The following GYPC variants were observed in gnomAD, a reference collection of about 807,000 sequenced individuals.
GYPC encodes glycophorin C (Gerbich blood group).
A neutral mutation model predicts 12.6 loss-of-function variants in GYPC; 14 were observed. That is an observed-to-expected ratio of 1.11 (90% CI 0.74 to 1.74). The LOEUF (loss-of-function observed/expected upper bound fraction) is 1.74, where lower values mean the gene tolerates loss of function less well. Ranked by LOEUF, GYPC falls within the 40% of genes most tolerant of loss-of-function variation. GYPC has a pLI of 0.00. For missense variants in GYPC, 225 were observed against 172.1 expected (o/e 1.31, Z -1.72); for synonymous variants, 78 against 62.1 (o/e 1.26, Z -1.20).
intron 1 of GYPC, 144 bp downstream of exon 1, chr2:126,656,456 A>T (rs916379223): frequency 3.0e-6 from 2 of 674,680 alleles, no homozygotes; most frequent in South Asian, 3.8e-5. Flanking sequence ...CGCTGGGCTC[A>T]GATCCCCGAC....
chr2:126,660,207 G>A (rs1573554224), intron 1 of GYPC, among the ~76,000 whole-genome samples: 1 of 152,200 alleles, frequency 6.6e-6, no homozygotes, highest in African/African-American at 2.4e-5. Context: ...CTCAGGACCC[G>A]CCTGCCTCCC....
At chr2:126,686,494 G>C in intron 1 of GYPC, 1 of 985,524 alleles carries the variant, frequency 1.0e-6, no homozygotes, top group African/African-American at 1.7e-5. Flanking sequence ...CCACAAAGAT[G>C]AGCATAGTGA....
chr2:126,682,643 A>G (rs1438604452), intron 1 of GYPC, among the ~76,000 whole-genome samples: 1 of 152,184 alleles, frequency 6.6e-6, no homozygotes, highest in African/African-American at 2.4e-5. Flanking sequence ...ATGCAGGGGC[A>G]AGTCAGAGGT....
chr2:126,680,681 T>C (rs890971953), intron 1 of GYPC, among the ~76,000 whole-genome samples: 1 of 152,200 alleles, frequency 6.6e-6, no homozygotes, highest in East Asian at 1.9e-4. Flanking sequence ...CATTTCTCAG[T>C]GTGCAATTGC....
At chr2:126,677,314 TG>T (rs1683020305) in intron 1 of GYPC, among the ~76,000 whole-genome samples, 1 of 150,766 alleles carries the variant, frequency 6.6e-6, no homozygotes, top group Non-Finnish European at 1.5e-5. Context: ...TGAGTGTGTG[TG>T]AGAATGTGTG....
chr2:126,661,564 T>A (rs1254092273), intron 1 of GYPC, among the ~76,000 whole-genome samples: 1 of 152,078 alleles, frequency 6.6e-6, no homozygotes, highest in Non-Finnish European at 1.5e-5. Context: ...GCAATTCTCC[T>A]GCCTCAGCCT....
intron 1 of GYPC, among the ~76,000 whole-genome samples, chr2:126,663,570 G>C (rs1448272348): frequency 6.6e-6 from 1 of 152,220 alleles, no homozygotes; most frequent in African/African-American, 2.4e-5. Context: ...ATGGAGAAGA[G>C]TAGGCTCTTT....
Position 126,693,916 on chromosome 2 carries a change from C to A in GYPC, c.159C>A (p.Thr53=), listed in dbSNP as rs906210239. 2 of 1,612,130 alleles carry A rather than the reference C, an allele frequency of 1.2e-6. No homozygotes were observed. Among genetic ancestry groups the A allele is most frequent in the Non-Finnish European group, 1.7e-6 (2 of 1,178,232 alleles). The change falls in exon 3 of 4, where the codon ACC becomes ACA. Residue 53 remains threonine, a synonymous_variant. Coordinates refer to ENST00000259254, the MANE Select transcript of GYPC (RefSeq NM_002101.5). Reference sequence around the variant, plus strand: ...CGGATGGCAGAATGGAGACCTCCACCCCCACCATAATGGACATTGTCGTCA... The same window carrying A: ...CGGATGGCAGAATGGAGACCTCCACACCCACCATAATGGACATTGTCGTCA... ...GWPDGRMETS[T]PTIMDIVVIA... is the part of the protein sequence containing the mutation.
intron 1 of GYPC, among the ~76,000 whole-genome samples, chr2:126,681,020 G>A (rs775771583): frequency 2.6e-5 from 4 of 152,212 alleles, no homozygotes; most frequent in African/African-American, 4.8e-5. Flanking sequence ...GATTCTTCAA[G>A]ACAATAGCCA....
chr2:126,677,343 GAAT>G, intron 1 of GYPC, among the ~76,000 whole-genome samples: 1 of 149,844 alleles, frequency 6.7e-6, no homozygotes, highest in Non-Finnish European at 1.5e-5. Flanking sequence ...GTGTAAGAAA[GAAT>G]GTGTGTGTGA....
intron 1 of GYPC, among the ~76,000 whole-genome samples, chr2:126,689,383 T>A (rs956686991): frequency 1.3e-5 from 2 of 152,180 alleles, no homozygotes; most frequent in Non-Finnish European, 2.9e-5. Flanking sequence ...ATGTGAAGAC[T>A]GCATGATAGA....
At chr2:126,693,344 G>A (rs1184822519) in intron 2 of GYPC, among the ~76,000 whole-genome samples, 2 of 152,166 alleles carry the variant, frequency 1.3e-5, no homozygotes, top group Admixed American at 1.3e-4. Flanking sequence ...AGTGGGAGTA[G>A]TATGAGGCCC....
At chr2:126,694,019 TGACCTAAG>T in intron 3 of GYPC, 72 bp downstream of exon 3, 1 of 1,045,118 alleles carries the variant, frequency 9.6e-7, no homozygotes, top group South Asian at 1.3e-5. Flanking sequence ...AGGGGAGAAC[TGACCTAAG>T]GACTTGGGCA....
chr2:126,686,049 C>T (rs1683279944), intron 1 of GYPC: 1 of 985,296 alleles, frequency 1.0e-6, no homozygotes, highest in African/African-American at 1.7e-5. Flanking sequence ...TCAACAACTC[C>T]TATGGCAGAG....
In GYPC at chr2:126,693,900, G is replaced by A. The variant is rs1418330689; in HGVS notation, c.143G>A (p.Arg48Lys). The part of the protein sequence containing the change: ...DPGMSGWPDG[R>K]METSTPTIMD... ...GGGATGTCTGGATGGCCGGATGGCA[G>A]AATGGAGACCTCCACCCCCACCATA... Residue 48 changes from arginine to lysine, a missense_variant, in exon 3 of 4, where the codon AGA becomes AAA. By Grantham distance (26) the Arg-to-Lys change is conservative. Transcript: ENST00000259254. 5 of 1,612,588 alleles carry A rather than the reference G, an allele frequency of 3.1e-6. No homozygotes were observed. The highest frequency in any genetic ancestry group is 1.3e-5 in the African/African-American group (1 of 74,892).
intron 1 of GYPC, among the ~76,000 whole-genome samples, chr2:126,688,587 T>G (rs977453557): frequency 1.3e-5 from 2 of 152,196 alleles, no homozygotes; most frequent in Non-Finnish European, 2.9e-5. Context: ...GCCTGGTTCC[T>G]GGTTCCCAAG....
intron 1 of GYPC, among the ~76,000 whole-genome samples, chr2:126,682,733 C>G (rs1683183374): frequency 6.6e-6 from 1 of 152,188 alleles, no homozygotes; most frequent in African/African-American, 2.4e-5. Flanking sequence ...AGGAAGAACA[C>G]ATTGACCTGG....
At chr2:126,661,992 G>A (rs1682547467) in intron 1 of GYPC, among the ~76,000 whole-genome samples, 1 of 152,194 alleles carries the variant, frequency 6.6e-6, no homozygotes, top group South Asian at 2.1e-4. Context: ...TCCTCGCAGA[G>A]AGCCACTGCC....
chr2:126,690,326 C>T lies in GYPC; in HGVS notation c.106+15C>T. On this transcript the variant is annotated intron_variant, in intron 2 of 3. Transcript: ENST00000259254. ...CACCATTGCAGGTGAGTTCTCATCACAGAGCCTCACCATAATGGAAACTGC... is the reference window on the plus strand; with the variant it reads ...CACCATTGCAGGTGAGTTCTCATCATAGAGCCTCACCATAATGGAAACTGC... 6.3e-7 allele frequency: 1 copy of T among 1,581,938 alleles called. No individual in the cohort carries two copies. Among genetic ancestry groups the T allele is most frequent in the Non-Finnish European group, 8.7e-7 (1 of 1,150,608 alleles).
Sources: gnomAD v4.1 joint callset for allele counts (sites outside exome capture counted in the v4.1 genomes callset) on GRCh38, gnomAD v4.1.1 for gene constraint, MANE v1.5 for transcripts, NCBI Gene and HGNC (gene_info 2026-07-23, HGNC 2026-07-21) for gene names.